The following ATRNL1 variants were observed in gnomAD, a reference collection of about 807,000 sequenced individuals.
The protein encoded by ATRNL1 is attractin like 1.
A neutral mutation model predicts 182.7 loss-of-function variants in ATRNL1; 95 were observed. That is an observed-to-expected ratio of 0.52 (90% confidence interval 0.44 to 0.62). ATRNL1 has a LOEUF of 0.62. Ranked by LOEUF, ATRNL1 falls within the 20% of genes least tolerant of loss-of-function variation. The pLI is 0.00. For synonymous variants in ATRNL1, 576 were observed against 568.3 expected (o/e 1.01, Z -0.19); for missense variants, 1,471 against 1,679.5 (o/e 0.88, Z 2.17).
chr10:115,934,827 A>G (rs1186094210), intron 28 of ATRNL1, among the ~76,000 whole-genome samples: 2 of 152,160 alleles, frequency 1.3e-5, no homozygotes, highest in East Asian at 3.9e-4. Context: ...ACCTAAGGCC[A>G]CTTTATGGAC....
chr10:115,397,222 A>G (rs1844333163), intron 20 of ATRNL1, among the ~76,000 whole-genome samples: 1 of 151,958 alleles, frequency 6.6e-6, no homozygotes, highest in Non-Finnish European at 1.5e-5. Context: ...AAGATGAATA[A>G]CATATGGTTT....
chr10:115,348,982 T>C (rs1856104487), intron 19 of ATRNL1, among the ~76,000 whole-genome samples: 1 of 152,198 alleles, frequency 6.6e-6, no homozygotes, highest in Non-Finnish European at 1.5e-5. Context: ...TCTACTCTTC[T>C]GGATCTTTTG....
At chr10:115,616,446 T>G (rs1576145) in intron 26 of ATRNL1, among the ~76,000 whole-genome samples, 71,233 of 151,906 alleles carry the variant, frequency 0.47, 18,455 homozygotes, top group East Asian at 0.84. Flanking sequence ...TTTGGGCAGG[T>G]AGGGGGATTC....
chr10:115,757,785 G>T (rs991462318), intron 27 of ATRNL1, among the ~76,000 whole-genome samples: 1 of 152,036 alleles, frequency 6.6e-6, no homozygotes, highest in Non-Finnish European at 1.5e-5. Context: ...CCCCATCACT[G>T]TCAGGTACAA....
intron 26 of ATRNL1, among the ~76,000 whole-genome samples, chr10:115,707,162 C>G (rs1946925558): frequency 6.6e-6 from 1 of 151,750 alleles, no homozygotes; most frequent in African/African-American, 2.4e-5. Context: ...AGGCAGCTTT[C>G]TAAAATAGCA....
At chr10:115,608,210 ACT>A (rs1856970567) in intron 26 of ATRNL1, among the ~76,000 whole-genome samples, 1 of 151,968 alleles carries the variant, frequency 6.6e-6, no homozygotes, top group Non-Finnish European at 1.5e-5. Context: ...TTCCAAGAAG[ACT>A]CTGCAAATCT....
intron 21 of ATRNL1, among the ~76,000 whole-genome samples, chr10:115,446,915 G>A (rs1193352064): frequency 8.6e-5 from 13 of 151,942 alleles, no homozygotes; most frequent in Non-Finnish European, 1.6e-4. Flanking sequence ...TTTGCTGATT[G>A]TTCGCCAAAA....
chr10:115,160,183 T>G lies in ATRNL1; in HGVS notation c.973T>G (p.Phe325Val). 6.2e-7 allele frequency: 1 copy of G among 1,612,420 alleles called. No individual in the cohort carries two copies. The stretch of plus-strand genomic sequence containing the variant: ...TATGTGGGTGATTGGTGGATATACT[T>G]TTAACTACAGTTCTTTTCAAATGGT... ...KFMWVIGGYT[F>V]NYSSFQMVLN... Residue 325 changes from phenylalanine to valine, a missense_variant, in exon 6 of 29, where the codon TTT (phenylalanine) becomes GTT (valine). By Grantham distance (50) the Phe-to-Val change is conservative (BLOSUM62 -1). This residue lies in a region of ATRNL1 where 1,031 missense variants were observed against 1,156.0 expected (regional missense o/e 0.89). Coordinates refer to ENST00000355044, the MANE Select transcript of ATRNL1 (RefSeq NM_207303.4).
chr10:115,428,867 G>T (rs975112712), intron 21 of ATRNL1, among the ~76,000 whole-genome samples: 5 of 152,062 alleles, frequency 3.3e-5, no homozygotes, highest in African/African-American at 1.2e-4. Flanking sequence ...TCCTAGCAAT[G>T]TATAGTTTGG....
chr10:115,645,622 AT>A (rs1859561497), intron 26 of ATRNL1, among the ~76,000 whole-genome samples: 1 of 151,922 alleles, frequency 6.6e-6, no homozygotes, highest in Admixed American at 6.6e-5. Context: ...TTGGCACACC[AT>A]TTAGATGAAA....
chr10:115,129,719 AT>A (rs2143707177), intron 5 of ATRNL1, among the ~76,000 whole-genome samples, 184 bp downstream of exon 5: 1 of 152,354 alleles, frequency 6.6e-6, no homozygotes, highest in Non-Finnish European at 1.5e-5. Flanking sequence ...AATAGAATTA[AT>A]TGGCAAAGAT....
intron 28 of ATRNL1, among the ~76,000 whole-genome samples, chr10:115,889,724 C>T (rs1454918452): frequency 1.3e-5 from 2 of 152,108 alleles, no homozygotes; most frequent in South Asian, 2.1e-4. Context: ...TTCTTAACCA[C>T]GACACCACAT....
intron 27 of ATRNL1, among the ~76,000 whole-genome samples, chr10:115,735,704 G>A (rs1456806823): frequency 1.3e-5 from 2 of 152,216 alleles, no homozygotes; most frequent in Admixed American, 1.3e-4. Context: ...ACTAAGTGAT[G>A]AATGGGCAAG....
chr10:115,550,068 G>A (rs145644615), intron 26 of ATRNL1, among the ~76,000 whole-genome samples: 48 of 151,566 alleles, frequency 3.2e-4, no homozygotes, highest in South Asian at 6.2e-4. Flanking sequence ...TATTTTTCTC[G>A]TAATCCTAAA....
At chr10:115,169,690 T>C (rs1847208094) in intron 7 of ATRNL1, among the ~76,000 whole-genome samples, 1 of 152,172 alleles carries the variant, frequency 6.6e-6, no homozygotes, top group East Asian at 1.9e-4. Flanking sequence ...GTTGAATCTG[T>C]AGATCAATTT....
At chr10:115,894,104 G>T (rs1445638868) in intron 28 of ATRNL1, among the ~76,000 whole-genome samples, 2 of 152,136 alleles carry the variant, frequency 1.3e-5, no homozygotes, top group Admixed American at 6.5e-5. Flanking sequence ...AAAGCCAGGT[G>T]TCTTCAACAT....
intron 24 of ATRNL1, among the ~76,000 whole-genome samples, chr10:115,475,511 C>T (rs1395233112): frequency 2.0e-5 from 3 of 151,270 alleles, no homozygotes; most frequent in Non-Finnish European, 3.0e-5. Context: ...ACTTATTTCT[C>T]CATTTGGAAT....
At chr10:115,316,162 C>A (rs567341654) in intron 18 of ATRNL1, among the ~76,000 whole-genome samples, 2 of 152,116 alleles carry the variant, frequency 1.3e-5, no homozygotes, top group Non-Finnish European at 2.9e-5. Flanking sequence ...CCTGTGTCCA[C>A]GTGTTCTCAT....
intron 28 of ATRNL1, among the ~76,000 whole-genome samples, chr10:115,899,449 C>CA (rs1952295317): frequency 6.6e-6 from 1 of 152,060 alleles, no homozygotes; most frequent in Admixed American, 6.6e-5. Flanking sequence ...GCTGGGATTA[C>CA]AGGCATGTGC....
Sources: allele counts gnomAD v4.1 joint callset (sites outside exome capture counted in the v4.1 genomes callset), GRCh38; gene constraint gnomAD v4.1.1; regional missense constraint gnomAD v4.1.1; transcripts MANE v1.5; gene names NCBI Gene and HGNC (gene_info 2026-07-23, HGNC 2026-07-21).